The following ABCB10 variants were observed in gnomAD, a reference collection of about 807,000 sequenced individuals.
ABCB10 encodes ATP-binding cassette sub-family B member 10, mitochondrial.
In ABCB10, 54 loss-of-function variants were observed where a neutral mutation model predicts 65.4. The observed-to-expected ratio is 0.83, with a 90% CI of 0.66 to 1.04. The LOEUF (loss-of-function observed/expected upper bound fraction) is 1.04. ABCB10 is among the 50% of genes least tolerant of loss of function. The pLI is 0.00. For synonymous variants in ABCB10, 418 were observed against 406.5 expected, an observed-to-expected ratio of 1.03 and a Z score of -0.34; for missense variants, 846 against 976.6, an observed-to-expected ratio of 0.87 and a Z score of 1.78.
At position 229,527,278 on chromosome 1, in the gene ABCB10, C is replaced by A. The variant is rs372912506; in HGVS notation, c.1676G>T (p.Arg559Leu). ...TCTCAGCCACACTGGGTTTAGCTGA[C>A]GGATGTCATGGCCATCAAGACTAAT... ...GTISLDGHDI[R>L]QLNPVWLRSK... Residue 559 changes from arginine (R) to leucine (L), a missense_variant, in exon 9 of 13, where the codon CGT (arginine) becomes CTT (leucine). Arg to Leu is a moderately radical substitution (Grantham distance 102). Coordinates refer to ENST00000344517, the MANE Select transcript of ABCB10 (RefSeq NM_012089.3). 1.2e-6 allele frequency: 2 copies of A among 1,613,014 alleles called. No homozygotes were observed.
intron 2 of ABCB10, 36 bp from the exon 3 acceptor site, chr1:229,547,737 A>T: frequency 9.3e-6 from 15 of 1,607,946 alleles, no homozygotes; most frequent in Admixed American, 1.7e-5. Flanking sequence ...CACCAAGGGT[A>T]AAGACATCCA....
At chr1:229,519,440 G>A (rs938442103) in intron 11 of ABCB10, among the ~76,000 whole-genome samples, 3 of 152,060 alleles carry the variant, frequency 2.0e-5, no homozygotes, top group South Asian at 2.1e-4. Flanking sequence ...TCACTAGACC[G>A]GGTATCCTTT....
Position 229,527,173 on chromosome 1 carries a change from A to G in ABCB10, c.1725+56T>C, listed in dbSNP as rs1482368061. 9.8e-6 allele frequency: 15 copies of G among 1,524,214 alleles called. No individual in the cohort carries two copies. In the Admixed American group the frequency reaches 3.0e-4, roughly 30 times the overall value. 94.4% of individuals were successfully genotyped at this position (1,524,214 alleles called of 1,614,324 possible). A position where few individuals can be genotyped will look rare whatever the true frequency, so the allele number is the denominator to read the frequency against. On this transcript the variant is annotated intron_variant, in intron 9 of 12. Transcript: ENST00000344517. ...TCGAGACAAAAAAAAAAAAAAGCAA[A>G]AGACAAAAGTAATTTTAAAAGAAAG...
intron 8 of ABCB10, among the ~76,000 whole-genome samples, chr1:229,528,892 G>A (rs1190839770): frequency 6.6e-6 from 1 of 152,072 alleles, no homozygotes; most frequent in Non-Finnish European, 1.5e-5. Flanking sequence ...TGACATTGTT[G>A]TCTACTACAG....
At chr1:229,529,616 G>A (rs1172209676) in intron 8 of ABCB10, among the ~76,000 whole-genome samples, 1 of 144,558 alleles carries the variant, frequency 6.9e-6, no homozygotes, top group Non-Finnish European at 1.5e-5. Context: ...CTTGCAGTGA[G>A]CTGAGATCGC....
intron 7 of ABCB10, 39 bp from the exon 8 acceptor site, chr1:229,530,447 A>C: frequency 6.2e-7 from 1 of 1,606,014 alleles, no homozygotes; most frequent in Non-Finnish European, 8.5e-7. Flanking sequence ...TTACAGCAAA[A>C]AATTAAACTC....
chr1:229,552,222 T>C (rs892958438), intron 1 of ABCB10, among the ~76,000 whole-genome samples: 6 of 152,264 alleles, frequency 3.9e-5, no homozygotes, highest in African/African-American at 1.2e-4. Flanking sequence ...GGCTTTTAGT[T>C]AACTGGATTC....
chr1:229,536,622 A>T (rs1336792269), intron 6 of ABCB10, among the ~76,000 whole-genome samples: 1 of 152,188 alleles, frequency 6.6e-6, no homozygotes, highest in African/African-American at 2.4e-5. Flanking sequence ...ATAAAATGCA[A>T]TCTCTCGCTA....
At chr1:229,520,956 T>C (rs2102800699) in intron 11 of ABCB10, among the ~76,000 whole-genome samples, 1 of 152,338 alleles carries the variant, frequency 6.6e-6, no homozygotes. Flanking sequence ...ACAGAAATGT[T>C]CTGAAACTGG....
intron 1 of ABCB10, among the ~76,000 whole-genome samples, chr1:229,550,402 G>A (rs1179643183): frequency 2.6e-5 from 4 of 151,890 alleles, no homozygotes; most frequent in Admixed American, 2.0e-4. Context: ...GCATGCACCT[G>A]TAGTCCCAGC....
intron 6 of ABCB10, among the ~76,000 whole-genome samples, chr1:229,533,903 T>A (rs1254276036): frequency 6.6e-6 from 1 of 152,086 alleles, no homozygotes; most frequent in Non-Finnish European, 1.5e-5. Flanking sequence ...ATACCAAAGG[T>A]ACAATCCATG....
intron 11 of ABCB10, among the ~76,000 whole-genome samples, chr1:229,519,764 G>C (rs1189520389): frequency 1.3e-5 from 2 of 152,126 alleles, no homozygotes; most frequent in Non-Finnish European, 2.9e-5. Flanking sequence ...ACTCCAGCCT[G>C]GGCGACAGAG....
intron 6 of ABCB10, among the ~76,000 whole-genome samples, chr1:229,534,075 A>C (rs1662647961): frequency 6.6e-6 from 1 of 152,274 alleles, no homozygotes; most frequent in Non-Finnish European, 1.5e-5. Flanking sequence ...AAAACTCAAC[A>C]ATACGGAAAC....
chr1:229,540,331 G>A (rs1571970360), intron 5 of ABCB10, among the ~76,000 whole-genome samples: 1 of 152,236 alleles, frequency 6.6e-6, no homozygotes, highest in East Asian at 1.9e-4. Context: ...GTCTTGGTGA[G>A]GCAGACCAGT....
At chr1:229,531,612 C>A (rs1489671659) in intron 7 of ABCB10, 24 bp downstream of exon 7, 1 of 1,609,960 alleles carries the variant, frequency 6.2e-7, no homozygotes, top group African/African-American at 1.3e-5. Context: ...TTAATCCTAG[C>A]AAAGAAACAA....
chr1:229,534,828 C>A (rs1056675890), intron 6 of ABCB10, among the ~76,000 whole-genome samples: 5 of 141,030 alleles, frequency 3.5e-5, no homozygotes, highest in Middle Eastern at 3.7e-3. Context: ...GCCAAGACCG[C>A]GCCACTGCAC....
Position 229,557,123 on chromosome 1 carries a change from A to C in ABCB10, c.517+1013T>G, listed in dbSNP as rs570547059. On this transcript the variant is annotated intron_variant, in intron 1 of 12. Coordinates refer to ENST00000344517, the MANE Select transcript of ABCB10 (RefSeq NM_012089.3). ...GTCGCCACCCTAACTGCTCTCCTCC[A>C]CTGTGCAAACCTACTCTAAATCCCA... Among the ~76,000 whole-genome samples the C allele has an allele frequency of 2.5e-3, 377 of 152,214 alleles. 2 individuals carry two copies. Among genetic ancestry groups the C allele is most frequent in the Non-Finnish European group, 2.8e-3 (193 of 68,020 alleles).
chr1:229,553,611 TG>T lies in ABCB10; in HGVS notation c.518-4178del, dbSNP rs746551400. 4.0e-5 allele frequency among the ~76,000 whole-genome samples: 6 copies of T among 151,738 alleles called. No homozygotes were observed. The East Asian group carries it at 5.9e-4, about 15-fold the overall frequency. ...GTTGGATGTGAGCATTTTTCCTCTC[TG>T]AAAAATGAGGATAAGATGAGGGTTA... On this transcript the variant is annotated intron_variant, in intron 1 of 12. Transcript: ENST00000344517.
At position 229,547,657 on chromosome 1, in the gene ABCB10, T is replaced by C. The variant is rs200640148; in HGVS notation, c.763A>G (p.Ile255Val). The change falls in exon 3 of 13, where the codon ATT becomes GTT. Residue 255 changes from isoleucine (I) to valine (V), a missense_variant. Transcript: ENST00000344517. ...AAGAAAGCAACCTCCTGCCTCAGAA[T>C]GGAGGAGAATAATGAAGTTCTCAGC... ...NRLRTSLFSSILRQEVAFFDK... is the reference protein window; with the variant it reads ...NRLRTSLFSSVLRQEVAFFDK... The C allele has an allele frequency of 2.5e-6, 4 of 1,614,196 alleles. No individual in the cohort carries two copies. In the African/African-American group the frequency reaches 4.0e-5, roughly 16 times the overall value.
Sources: gnomAD v4.1 joint callset for allele counts (sites outside exome capture counted in the v4.1 genomes callset) on GRCh38, gnomAD v4.1.1 for gene constraint, MANE v1.5 for transcripts, NCBI Gene and HGNC (gene_info 2026-07-23, HGNC 2026-07-21) for gene names.